RAB3IL1: variants seen among roughly 807,000 people sequenced by gnomAD.
RAB3IL1 encodes the protein guanine nucleotide exchange factor for Rab-3A.
A neutral mutation model predicts 49.2 loss-of-function variants in RAB3IL1; 37 were observed. The ratio of observed to expected loss-of-function variants is 0.75; its 90% CI spans 0.58 to 0.99. RAB3IL1 has a LOEUF of 0.99. Ranked by LOEUF, RAB3IL1 falls within the 50% of genes least tolerant of loss-of-function variation. RAB3IL1 has a pLI of 0.00. For synonymous variants in RAB3IL1, 193 were observed against 213.9 expected, an observed-to-expected ratio of 0.90 and a Z score of 0.85; for missense variants, 484 against 513.0, an observed-to-expected ratio of 0.94 and a Z score of 0.55.
At chr11:61,921,789 G>A (rs1283550316), upstream of RAB3IL1, among the ~76,000 whole-genome samples, 2 of 152,112 alleles carry the variant, frequency 1.3e-5, no homozygotes, top group Admixed American at 6.5e-5. Context: ...TCTGCCACTC[G>A]CTGACTGTGT....
At chr11:61,942,599 T>A in the RAB3IL1 span, among the ~76,000 whole-genome samples, 1 of 152,110 alleles carries the variant, frequency 6.6e-6, no homozygotes, top group African/African-American at 2.4e-5. Flanking sequence ...TTATATGTAG[T>A]AAACCCTAAA....
At position 61,906,164 on chromosome 11, in the gene RAB3IL1, C is replaced by T. The variant is rs1296003761; in HGVS notation, c.657+302G>A. ...GGAAGTGTGTGTCTCAGTGGAGGCCCCAGATCCTCAGGGCCAAAGCCAGCC... is the reference window on the plus strand; with the variant it reads ...GGAAGTGTGTGTCTCAGTGGAGGCCTCAGATCCTCAGGGCCAAAGCCAGCC... On this transcript the variant is annotated intron_variant, in intron 5 of 9. Coordinates refer to ENST00000394836, the MANE Select transcript of RAB3IL1 (RefSeq NM_013401.4). The surrounding 1 kb of genome is among the most constrained non-coding windows in gnomAD (Gnocchi z 4.6). 6.6e-6 allele frequency among the ~76,000 whole-genome samples: 1 copy of T among 152,114 alleles called. No homozygotes were observed. Among genetic ancestry groups the T allele is most frequent in the Admixed American group, 6.5e-5 (1 of 15,274 alleles).
chr11:61,900,526 C>T (rs982850355), intron 8 of RAB3IL1, among the ~76,000 whole-genome samples: 4 of 152,046 alleles, frequency 2.6e-5, no homozygotes, highest in South Asian at 2.1e-4. Flanking sequence ...GCAGGGACAC[C>T]GCTGCACAGG....
Position 61,906,761 on chromosome 11 carries a change from T to C in RAB3IL1, c.439-77A>G. Reference sequence around the variant, plus strand: ...GGCTGCCACCGCCTATCAGCCTAACTCAGGACAATGCACCCCTGCAGTGAC... The same window carrying C: ...GGCTGCCACCGCCTATCAGCCTAACCCAGGACAATGCACCCCTGCAGTGAC... On this transcript the variant is annotated intron_variant, in intron 4 of 9. Coordinates refer to ENST00000394836, the MANE Select transcript of RAB3IL1 (RefSeq NM_013401.4). The surrounding 1 kb of genome is among the most constrained non-coding windows in gnomAD (Gnocchi z 4.6). The C allele has an allele frequency of 7.4e-7, 1 of 1,355,462 alleles. No individual in the cohort carries two copies. The highest frequency in any genetic ancestry group is 1.2e-5 in the South Asian group (1 of 80,582). The allele number at this position is 1,355,462 out of a possible 1,614,324, so 84.0% of individuals were successfully genotyped here. A position where few individuals can be genotyped will look rare whatever the true frequency, so the allele number is the denominator to read the frequency against.
intron 8 of RAB3IL1, among the ~76,000 whole-genome samples, chr11:61,900,916 C>T (rs541642792): frequency 1.3e-5 from 2 of 151,998 alleles, no homozygotes; most frequent in Admixed American, 1.3e-4. Flanking sequence ...GATAAGTGGC[C>T]ACTGAACAAG....
chr11:61,945,792 C>G, the RAB3IL1 span: 2 of 985,378 alleles, frequency 2.0e-6, no homozygotes, highest in Non-Finnish European at 2.4e-6. Flanking sequence ...TGCAGCCTGG[C>G]AGAGTCCATG....
At chr11:61,929,424 C>G in the RAB3IL1 span, among the ~76,000 whole-genome samples, 15 of 143,786 alleles carry the variant, frequency 1.0e-4, no homozygotes, top group Non-Finnish European at 1.6e-4. Flanking sequence ...AGAATCGATT[C>G]AACCCAGAAG....
chr11:61,941,069 T>C, the RAB3IL1 span, among the ~76,000 whole-genome samples: 13 of 151,888 alleles, frequency 8.6e-5, no homozygotes, highest in African/African-American at 3.1e-4. Flanking sequence ...GCCTGGGTGA[T>C]AAAGTGAGAT....
chr11:61,908,568 T>A (rs1207735887), intron 1 of RAB3IL1, among the ~76,000 whole-genome samples: 1 of 152,156 alleles, frequency 6.6e-6, no homozygotes, highest in Non-Finnish European at 1.5e-5. Context: ...GCACATGCAG[T>A]AGGTGCTCAG....
Position 61,906,617 on chromosome 11 carries a change from G to A in RAB3IL1, c.506C>T (p.Pro169Leu). The change falls in exon 5 of 10, where the codon CCC becomes CTC. Residue 169 changes from proline to leucine, a missense_variant. Transcript: ENST00000394836. This position sits in a 1 kb window ranked among gnomAD's most constrained non-coding sequence, Gnocchi z 4.6. ...TLVITSTPASPNRELHPQLLS... is the reference protein window; with the variant it reads ...TLVITSTPASLNRELHPQLLS... ...CAGCTGGGGGTGAAGCTCGCGGTTG[G>A]GAGAGGCTGGTGTGGACGTGATGAC... 1 of 1,611,678 alleles carries A rather than the reference G, an allele frequency of 6.2e-7. No individual in the cohort carries two copies. The highest frequency in any genetic ancestry group is 8.5e-7 in the Non-Finnish European group (1 of 1,179,284).
chr11:61,904,455 G>T, intron 7 of RAB3IL1, 91 bp downstream of exon 7: 1 of 1,259,222 alleles, frequency 7.9e-7, no homozygotes, highest in Non-Finnish European at 1.1e-6. Context: ...TGTCGGCGCT[G>T]CTGCATCCTG....
At chr11:61,918,580 G>C (rs1053129227), upstream of RAB3IL1, among the ~76,000 whole-genome samples, 4 of 152,284 alleles carry the variant, frequency 2.6e-5, no homozygotes, top group African/African-American at 9.6e-5. Context: ...TGGGGACCCA[G>C]CAGGAAACTG....
intron 1 of RAB3IL1, among the ~76,000 whole-genome samples, chr11:61,913,582 C>A (rs1334412911): frequency 6.6e-6 from 1 of 152,188 alleles, no homozygotes; most frequent in Admixed American, 6.5e-5. Flanking sequence ...TCCATGGGAG[C>A]CAGCACAGGG....
the RAB3IL1 span, among the ~76,000 whole-genome samples, chr11:61,938,285 C>T: frequency 6.6e-6 from 1 of 152,134 alleles, no homozygotes; most frequent in African/African-American, 2.4e-5. Flanking sequence ...CCTGTAGTCC[C>T]AGCTACTCAG....
At chr11:61,915,035 C>A (rs1231962690) in intron 1 of RAB3IL1, among the ~76,000 whole-genome samples, 1 of 152,128 alleles carries the variant, frequency 6.6e-6, no homozygotes, top group Non-Finnish European at 1.5e-5. Context: ...ACTCTAAATC[C>A]CTGTTTCCTC....
At chr11:61,907,763 G>T in intron 2 of RAB3IL1, 103 bp from the exon 3 acceptor site, 1 of 1,084,838 alleles carries the variant, frequency 9.2e-7, no homozygotes, top group Non-Finnish European at 1.4e-6. Flanking sequence ...GTCATTTTAT[G>T]TGGGGCTCAG....
chr11:61,917,540 G>A lies in RAB3IL1; in HGVS notation c.-173C>T. 1 of 1,109,706 alleles carries A rather than the reference G, an allele frequency of 9.0e-7. No homozygotes were observed. The highest frequency in any genetic ancestry group is 1.1e-6 in the Non-Finnish European group (1 of 911,500). 68.7% of individuals were successfully genotyped at this position (1,109,706 alleles called of 1,614,324 possible). A position where few individuals can be genotyped will look rare whatever the true frequency, so the allele number is the denominator to read the frequency against. ...GCCTGGGCTCGCGGCCCCCAGCCCA[G>A]CCCCGACCCTGCCCTGGGCGGGTCA... On this transcript the variant is annotated 5_prime_UTR_variant, in exon 1 of 10. Transcript: ENST00000394836.
upstream of RAB3IL1, among the ~76,000 whole-genome samples, chr11:61,922,181 C>G (rs1939923979): frequency 1.3e-5 from 2 of 150,908 alleles, no homozygotes; most frequent in African/African-American, 4.9e-5. Context: ...TGCATTCCAG[C>G]CTGGGTGGCA....
chr11:61,906,605 A>G lies in RAB3IL1; in HGVS notation c.518T>C (p.Leu173Pro), dbSNP rs372752764. Residue 173 changes from leucine to proline, a missense_variant, in exon 5 of 10, where the codon CTT becomes CCT. Transcript: ENST00000394836. The surrounding 1 kb of genome is among the most constrained non-coding windows in gnomAD (Gnocchi z 4.6). ...GGTGGGGCTCAGCAGCTGGGGGTGA[A>G]GCTCGCGGTTGGGAGAGGCTGGTGT... Reference protein sequence around the residue: ...TSTPASPNRELHPQLLSPTKA... With the variant: ...TSTPASPNREPHPQLLSPTKA... The G allele has an allele frequency of 3.1e-6, 5 of 1,611,268 alleles. No individual in the cohort carries two copies. Among genetic ancestry groups the G allele is most frequent in the Non-Finnish European group, 4.2e-6 (5 of 1,179,032 alleles).
Sources: allele counts gnomAD v4.1 joint callset (sites outside exome capture counted in the v4.1 genomes callset), GRCh38; gene constraint gnomAD v4.1.1; non-coding constraint Gnocchi (gnomAD v3.1); transcripts MANE v1.5; gene names NCBI Gene and HGNC (gene_info 2026-07-23, HGNC 2026-07-21).